The following HNRNPDL variants were observed in gnomAD, a reference collection of about 807,000 sequenced individuals.
HNRNPDL encodes the protein heterogeneous nuclear ribonucleoprotein D-like.
HNRNPDL carries 18 observed loss-of-function variants against 48.0 expected under a neutral mutation model. The observed-to-expected ratio is 0.38, with a 90% confidence interval of 0.26 to 0.56. HNRNPDL has a LOEUF of 0.56. Ranked by LOEUF, HNRNPDL falls within the 20% of genes least tolerant of loss-of-function variation. HNRNPDL has a pLI of 0.77. For synonymous variants in HNRNPDL, 306 were observed against 207.3 expected (o/e 1.48, Z -4.09); for missense variants, 553 against 540.7 (o/e 1.02, Z -0.23).
At position 82,427,240 on chromosome 4, in the gene HNRNPDL, C is replaced by A; in HGVS notation, c.971G>T (p.Gly324Val). 1.9e-6 allele frequency: 3 copies of A among 1,614,080 alleles called. No individual in the cohort carries two copies. The highest frequency in any genetic ancestry group is 2.5e-6 in the Non-Finnish European group (3 of 1,179,954). ...TCGTCCACCAGCTGCAGCACCTCTT[C>A]CACCTTTTTGTTGTTGCTGTTGCTG... ...YRQQQQQQKGGRGAAAGGRGG... is the reference protein window; with the variant it reads ...YRQQQQQQKGVRGAAAGGRGG... The change falls in exon 5 of 8, where the codon GGA (glycine) becomes GTA (valine). Residue 324 changes from glycine (G) to valine (V), a missense_variant. Physicochemically the swap from Gly to Val is moderately radical, Grantham distance 109. This residue lies in a region of HNRNPDL where 174 missense variants were observed against 204.6 expected (regional missense o/e 0.85). Transcript: ENST00000295470.
In HNRNPDL at chr4:82,429,230, G is replaced by T; in HGVS notation, c.443+18C>A. ...GGCGCGCTGGGGGAGGGGGAGCGGG[G>T]GAAGAAGCGTGCGGTACCCGTCATC... On this transcript the variant is annotated intron_variant, in intron 1 of 7. Transcript: ENST00000295470. 6.2e-7 allele frequency: 1 copy of T among 1,611,332 alleles called. No homozygotes were observed. Among genetic ancestry groups the T allele is most frequent in the Non-Finnish European group, 8.5e-7 (1 of 1,178,360 alleles).
Position 82,426,616 on chromosome 4 carries a change from T to C in HNRNPDL, c.1039A>G (p.Asn347Asp). Residue 347 changes from asparagine (N) to aspartate (D), a missense_variant, in exon 6 of 8, where the codon AAC (asparagine) becomes GAC (aspartate). Coordinates refer to ENST00000295470, the MANE Select transcript of HNRNPDL (RefSeq NM_031372.4). ...GRGRGQGQNWNQGFNNYYDQG... is the reference protein window; with the variant it reads ...GRGRGQGQNWDQGFNNYYDQG... Reference sequence around the variant, plus strand: ...TCATAATAGTTATTAAATCCTTGGTTCCAGTTTTGGCCCTGACCTGAAACA... The same window carrying C: ...TCATAATAGTTATTAAATCCTTGGTCCCAGTTTTGGCCCTGACCTGAAACA... 1 of 1,613,840 alleles carries C rather than the reference T, an allele frequency of 6.2e-7. No individual in the cohort carries two copies. The highest frequency in any genetic ancestry group is 8.5e-7 in the Non-Finnish European group (1 of 1,179,906).
chr4:82,426,311 T>G (rs746435263), intron 6 of HNRNPDL, 152 bp downstream of exon 6: 20 of 837,230 alleles, frequency 2.4e-5, no homozygotes, highest in Non-Finnish European at 3.4e-5. Context: ...CAGTCTATGT[T>G]AGTATAATCA....
At chr4:82,428,761 C>CTTAG (rs1560458292) in intron 1 of HNRNPDL, among the ~76,000 whole-genome samples, 1 of 152,250 alleles carries the variant, frequency 6.6e-6, no homozygotes, top group Non-Finnish European at 1.5e-5. Flanking sequence ...TCTTATCTTA[C>CTTAG]TTAGGTCCAT....
rs893530874 is a variant in HNRNPDL at position 82,429,516 on chromosome 4, G to A, written c.175C>T (p.Arg59Cys). ...SARQGARRAQRHVTAQQPSRL... is the reference protein window; with the variant it reads ...SARQGARRAQCHVTAQQPSRL... Reference sequence around the variant, plus strand: ...GAGGGCTGCTGGGCGGTGACGTGGCGCTGGGCCCGGCGCGCCCCCTGCCGG... The same window carrying A: ...GAGGGCTGCTGGGCGGTGACGTGGCACTGGGCCCGGCGCGCCCCCTGCCGG... The change falls in exon 1 of 8, where the codon CGC becomes TGC. Residue 59 changes from arginine to cysteine, a missense_variant. Physicochemically the swap from Arg to Cys is radical, Grantham distance 180 (BLOSUM62 -3). This residue lies in a region of HNRNPDL where 327 missense variants were observed against 203.2 expected (regional missense o/e 1.61). Transcript: ENST00000295470. 2.7e-6 allele frequency: 4 copies of A among 1,505,126 alleles called. No homozygotes were observed. Among genetic ancestry groups the A allele is most frequent in the Admixed American group, 2.3e-5 (1 of 44,008 alleles). The allele number at this position is 1,505,126 out of a possible 1,614,324, so 93.2% of individuals were successfully genotyped here.
Position 82,429,395 on chromosome 4 carries a change from G to A in HNRNPDL, c.296C>T (p.Ala99Val). The change falls in exon 1 of 8, where the codon GCC becomes GTC. Residue 99 changes from alanine (A) to valine (V), a missense_variant. This residue lies in a region of HNRNPDL where 327 missense variants were observed against 203.2 expected (regional missense o/e 1.61). Coordinates refer to ENST00000295470, the MANE Select transcript of HNRNPDL (RefSeq NM_031372.4). ...HFKSSSIQRS[A>V]AAAAATRTAR... ...AGTCCGGGTCGCGGCAGCAGCGGCGGCGGAGCGTTGTATGGAGCTGGATTT... is the reference window on the plus strand; with the variant it reads ...AGTCCGGGTCGCGGCAGCAGCGGCGACGGAGCGTTGTATGGAGCTGGATTT... The A allele has an allele frequency of 1.9e-6, 3 of 1,613,494 alleles. No homozygotes were observed. The highest frequency in any genetic ancestry group is 1.7e-6 in the Non-Finnish European group (2 of 1,179,834).
rs188226035 is a variant in HNRNPDL, at chr4:82,424,298, T to A, written c.*608A>T. On this transcript the variant is annotated 3_prime_UTR_variant, in exon 8 of 8. Transcript: ENST00000295470. ...TAAAAGGAGCTACTAACAATTTTAT[T>A]ACAATCCAGAAGAAATATGGTCTAC... is the stretch of plus-strand genomic sequence containing the variant. The A allele has an allele frequency of 6.6e-6, 1 of 152,386 alleles. No individual in the cohort carries two copies. The highest frequency in any genetic ancestry group is 1.9e-4 in the East Asian group (1 of 5,196). 9.4% of individuals were successfully genotyped at this position (152,386 alleles called of 1,614,324 possible).
rs767204887 is a variant in HNRNPDL at position 82,422,728 on chromosome 4, T to A, written c.*2178A>T. The A allele has an allele frequency of 6.6e-6, 1 of 152,142 alleles. No individual in the cohort carries two copies. 9.4% of individuals were successfully genotyped at this position (152,142 alleles called of 1,614,324 possible). ...GGCAAATACGATGTATAAAAACATA[T>A]ACAAACCGAGCATTTGTTATAGGTA... On this transcript the variant is annotated 3_prime_UTR_variant, in exon 8 of 8. Transcript: ENST00000295470.
At position 82,428,446 on chromosome 4, in the gene HNRNPDL, A is replaced by G; in HGVS notation, c.444T>C (p.Gly148=). The change falls in exon 2 of 8, where the codon GGT becomes GGC. Residue 148 remains glycine, a splice_region_variant and synonymous_variant. Coordinates refer to ENST00000295470, the MANE Select transcript of HNRNPDL (RefSeq NM_031372.4). ...AGCTCAAGCCTCCAATAAACATTTT[A>G]CTAGAAATAAAAGTGTTTTTAAAAA... is the stretch of plus-strand genomic sequence containing the variant. ...INASKNQQDD[G]KMFIGGLSWD... The G allele has an allele frequency of 1.3e-6, 2 of 1,589,158 alleles. No individual in the cohort carries two copies. Among genetic ancestry groups the G allele is most frequent in the Non-Finnish European group, 8.6e-7 (1 of 1,165,642 alleles).
intron 1 of HNRNPDL, among the ~76,000 whole-genome samples, chr4:82,429,016 A>AGAC (rs1419130792): frequency 2.6e-5 from 4 of 151,980 alleles, no homozygotes; most frequent in Non-Finnish European, 4.4e-5. Context: ...CTCGGGACAC[A>AGAC]GACGCCGCCG....
At position 82,428,437 on chromosome 4, in the gene HNRNPDL, A is replaced by G. The variant is rs1206246726; in HGVS notation, c.453T>C (p.Phe151=). The change falls in exon 2 of 8, where the codon TTT becomes TTC. Residue 151 remains phenylalanine, a synonymous_variant. Transcript: ENST00000295470. ...TTGTATCCCAGCTCAAGCCTCCAAT[A>G]AACATTTTACTAGAAATAAAAGTGT... The part of the protein sequence containing the change: ...SKNQQDDGKM[F]IGGLSWDTSK... 53 of 1,598,662 alleles carry G rather than the reference A, an allele frequency of 3.3e-5. No homozygotes were observed. Among genetic ancestry groups the G allele is most frequent in the Admixed American group, 5.2e-5 (3 of 57,866 alleles).
At position 82,423,364 on chromosome 4, in the gene HNRNPDL, C is replaced by T. The variant is rs1179496692; in HGVS notation, c.*1542G>A. ...TTAAAAATGAACTTACTTCCATTCCCTAAAGTTGCATGTTGAATGAACAGA... is the reference window on the plus strand; with the variant it reads ...TTAAAAATGAACTTACTTCCATTCCTTAAAGTTGCATGTTGAATGAACAGA... On this transcript the variant is annotated 3_prime_UTR_variant, in exon 8 of 8. Coordinates refer to ENST00000295470, the MANE Select transcript of HNRNPDL (RefSeq NM_031372.4). The T allele has an allele frequency of 1.3e-5, 2 of 152,174 alleles. No homozygotes were observed. The highest frequency in any genetic ancestry group is 2.9e-5 in the Non-Finnish European group (2 of 68,040). 9.4% of individuals were successfully genotyped at this position (152,174 alleles called of 1,614,324 possible). A position where few individuals can be genotyped will look rare whatever the true frequency, so the allele number is the denominator to read the frequency against.
In HNRNPDL at chr4:82,428,306, A is replaced by C; in HGVS notation, c.584T>G (p.Leu195Arg). The change falls in exon 2 of 8, where the codon CTT becomes CGT. Residue 195 changes from leucine (L) to arginine (R), a missense_variant. Around this residue, in one of 4 missense-constraint regions of HNRNPDL, gnomAD observed 43 missense variants for 104.0 expected, o/e 0.41. Transcript: ENST00000295470. ...ATCAACACTAGCAGCATCTTTGAAA[A>C]GCACAAATCCAAATCCTCTTGATCT... ...TGRSRGFGFVLFKDAASVDKV... is the reference protein window; with the variant it reads ...TGRSRGFGFVRFKDAASVDKV... 6.2e-7 allele frequency: 1 copy of C among 1,613,318 alleles called. No individual in the cohort carries two copies. Among genetic ancestry groups the C allele is most frequent in the Non-Finnish European group, 8.5e-7 (1 of 1,179,442 alleles).
chr4:82,429,714 A>G lies in HNRNPDL; in HGVS notation c.-24T>C, dbSNP rs1231250656. On this transcript the variant is annotated 5_prime_UTR_variant, in exon 1 of 8. Coordinates refer to ENST00000295470, the MANE Select transcript of HNRNPDL (RefSeq NM_031372.4). ...ATCGCGGCCCTCCCGGCAAGGAGAG[A>G]GGCCACGCGTGAGGGGACGCGGGCT... 3 of 1,341,252 alleles carry G rather than the reference A, an allele frequency of 2.2e-6. No homozygotes were observed. The highest frequency in any genetic ancestry group is 2.0e-5 in the South Asian group (1 of 49,856). 83.1% of individuals were successfully genotyped at this position (1,341,252 alleles called of 1,614,324 possible).
Position 82,422,569 on chromosome 4 carries a change from TC to T in HNRNPDL, c.*2336del, listed in dbSNP as rs1305759512. ...TAAGCTCTGCTTATCCACGCTAGCA[TC>T]CCAACAGACATCTCATTTTAATAGT... On this transcript the variant is annotated 3_prime_UTR_variant, in exon 8 of 8. Transcript: ENST00000295470. The T allele has an allele frequency of 6.6e-6, 1 of 152,182 alleles. No homozygotes were observed. Among genetic ancestry groups the T allele is most frequent in the Non-Finnish European group, 1.5e-5 (1 of 68,026 alleles). 9.4% of individuals were successfully genotyped at this position (152,182 alleles called of 1,614,324 possible).
rs779161443 is a variant in HNRNPDL, at chr4:82,426,543, T to C, written c.1112A>G (p.Tyr371Cys). 1.9e-6 allele frequency: 3 copies of C among 1,612,776 alleles called. No individual in the cohort carries two copies. The highest frequency in any genetic ancestry group is 2.5e-6 in the Non-Finnish European group (3 of 1,178,896). The stretch of plus-strand genomic sequence containing the variant: ...ATAATCATATCCGCCATAGCCACTA[T>C]AGTTTTGATCACCACCATAGGCACT... Reference protein sequence around the residue: ...YNSAYGGDQNYSGYGGYDYTG... With the variant: ...YNSAYGGDQNCSGYGGYDYTG... Residue 371 changes from tyrosine (Y) to cysteine (C), a missense_variant, in exon 6 of 8, where the codon TAT becomes TGT. Physicochemically the swap from Tyr to Cys is radical, Grantham distance 194. Around this residue, in one of 4 missense-constraint regions of HNRNPDL, gnomAD observed 174 missense variants for 204.6 expected, o/e 0.85. Coordinates refer to ENST00000295470, the MANE Select transcript of HNRNPDL (RefSeq NM_031372.4).
rs1416839611 is a variant in HNRNPDL, at chr4:82,428,047, T to C, written c.745A>G (p.Ile249Val). ...CCAAAGGCTCCAAAATATTCTTTAA[T>C]TTGTTCTTCAGAAGTATCCGGGCTC... is the stretch of plus-strand genomic sequence containing the variant. ...GLSPDTSEEQ[I>V]KEYFGAFGEI... is the part of the protein sequence containing the mutation. The change falls in exon 3 of 8, where the codon ATT becomes GTT. Residue 249 changes from isoleucine (I) to valine (V), a missense_variant. By Grantham distance (29) the Ile-to-Val change is conservative. Around this residue, in one of 4 missense-constraint regions of HNRNPDL, gnomAD observed 174 missense variants for 204.6 expected, o/e 0.85. Coordinates refer to ENST00000295470, the MANE Select transcript of HNRNPDL (RefSeq NM_031372.4). 8.1e-6 allele frequency: 13 copies of C among 1,614,024 alleles called. No homozygotes were observed. The highest frequency in any genetic ancestry group is 1.3e-5 in the African/African-American group (1 of 74,938).
Position 82,429,558 on chromosome 4 carries a change from G to A in HNRNPDL, c.133C>T (p.Leu45Phe), listed in dbSNP as rs779364180. The change falls in exon 1 of 8, where the codon CTC (leucine) becomes TTC (phenylalanine). Residue 45 changes from leucine (L) to phenylalanine (F), a missense_variant. Transcript: ENST00000295470. The part of the protein sequence containing the change: ...PRQLAPLLPS[L>F]APSSARQGAR... The stretch of plus-strand genomic sequence containing the variant: ...CCCTGCCGGGCGGAGCTGGGAGCGA[G>A]CGAAGGGAGGAGCGGGGCTAGCTGC... 1.6e-5 allele frequency: 23 copies of A among 1,439,788 alleles called. No individual in the cohort carries two copies. Among genetic ancestry groups the A allele is most frequent in the East Asian group, 2.8e-5 (1 of 35,452 alleles). 89.2% of individuals were successfully genotyped at this position (1,439,788 alleles called of 1,614,324 possible). A position where few individuals can be genotyped will look rare whatever the true frequency, so the allele number is the denominator to read the frequency against.
chr4:82,427,510 A>T lies in HNRNPDL; in HGVS notation c.829T>A (p.Cys277Ser). Residue 277 changes from cysteine to serine, a missense_variant, in exon 4 of 8, where the codon TGT becomes AGT. Cys to Ser is a moderately radical substitution (Grantham distance 112). This residue lies in a region of HNRNPDL where 174 missense variants were observed against 204.6 expected (regional missense o/e 0.85). Coordinates refer to ENST00000295470, the MANE Select transcript of HNRNPDL (RefSeq NM_031372.4). ...TCTTCATCAGTATATGTGATAAAAC[A>T]AAATCCTCTTCTTTCATTTGTTTTT... The part of the protein sequence containing the change: ...DTKTNERRGF[C>S]FITYTDEEPV... 6.2e-7 allele frequency: 1 copy of T among 1,609,932 alleles called. No homozygotes were observed. Among genetic ancestry groups the T allele is most frequent in the Non-Finnish European group, 8.5e-7 (1 of 1,178,324 alleles).
Sources: gnomAD v4.1 joint callset for allele counts (sites outside exome capture counted in the v4.1 genomes callset) on GRCh38, gnomAD v4.1.1 for gene constraint, gnomAD v4.1.1 regional missense constraint, MANE v1.5 for transcripts, NCBI Gene and HGNC (gene_info 2026-07-23, HGNC 2026-07-21) for gene names.